Variants in CDH23 observed in about 807,000 individuals in gnomAD.
The protein encoded by CDH23 is cadherin related 23, also known as cadherin-23.
CDH23 carries 189 observed loss-of-function variants against 317.1 expected under a neutral mutation model. The observed-to-expected ratio is 0.60, with a 90% CI of 0.53 to 0.67. The LOEUF (loss-of-function observed/expected upper bound fraction) is 0.67, where lower values mean the gene tolerates loss of function less well. CDH23 is among the 30% of genes least tolerant of loss of function. The pLI, the probability that CDH23 is intolerant of heterozygous loss-of-function variation, is 0.00. For missense variants in CDH23, 4,401 were observed against 4,592.4 expected, an observed-to-expected ratio of 0.96 and a Z score of 1.20; for synonymous variants, 1,839 against 1,876.8, an observed-to-expected ratio of 0.98 and a Z score of 0.52.
chr10:71,657,942 C>T (rs1270318131), intron 14 of CDH23, among the ~76,000 whole-genome samples: 1 of 152,198 alleles, frequency 6.6e-6, no homozygotes, highest in Non-Finnish European at 1.5e-5. Flanking sequence ...CACAGACACA[C>T]AGAAAATAGT....
At chr10:71,702,725 C>T in intron 24 of CDH23, 31 bp downstream of exon 24, 2 of 1,612,822 alleles carry the variant, frequency 1.2e-6, no homozygotes, top group Non-Finnish European at 1.7e-6. Flanking sequence ...TCCTACCAGC[C>T]CAGAGGTGGG....
chr10:71,682,508 T>C lies in CDH23; in HGVS notation c.1922T>C (p.Val641Ala). ...TCCAATGGGCTGATTTATCTGACGG[T>C]CATGGCCATGGATGCTGGCAACCCC... ...QISNGLIYLT[V>A]MAMDAGNPPL... The change falls in exon 18 of 70, where the codon GTC becomes GCC. Residue 641 changes from valine to alanine, a missense_variant. By Grantham distance (64) the Val-to-Ala change is moderately conservative. Coordinates refer to ENST00000224721, the MANE Select transcript of CDH23 (RefSeq NM_022124.6). The C allele has an allele frequency of 6.2e-7, 1 of 1,613,470 alleles. No homozygotes were observed. Among genetic ancestry groups the C allele is most frequent in the Non-Finnish European group, 8.5e-7 (1 of 1,179,682 alleles).
chr10:71,760,610 C>T (rs888246949), intron 38 of CDH23: 5 of 456,882 alleles, frequency 1.1e-5, no homozygotes, highest in Non-Finnish European at 2.0e-5. Flanking sequence ...CTTGCCCTGG[C>T]CAAAGGTCAC....
chr10:71,778,149 A>AC (rs1300126044), intron 39 of CDH23, 40 bp from the exon 40 acceptor site: 5 of 1,611,564 alleles, frequency 3.1e-6, no homozygotes, highest in Non-Finnish European at 3.4e-6. Context: ...CAGACCTACC[A>AC]CCCCTAGATC....
chr10:71,786,433 G>A (rs1468510466), intron 44 of CDH23, among the ~76,000 whole-genome samples: 1 of 151,796 alleles, frequency 6.6e-6, no homozygotes, highest in African/African-American at 2.4e-5. Flanking sequence ...ACGTCAGGCT[G>A]GAGAAACTCA....
intron 1 of CDH23, among the ~76,000 whole-genome samples, chr10:71,437,580 C>T (rs1849675194): frequency 6.6e-6 from 1 of 152,216 alleles, no homozygotes; most frequent in Non-Finnish European, 1.5e-5. Flanking sequence ...CGGCTCTGTA[C>T]ATGTGTGTAA....
chr10:71,496,361 G>A (rs1852967589), intron 3 of CDH23, among the ~76,000 whole-genome samples: 3 of 151,570 alleles, frequency 2.0e-5, no homozygotes, highest in African/African-American at 7.3e-5. Context: ...CTCCACCTGT[G>A]GATTGGCCTA....
chr10:71,732,863 C>A, intron 32 of CDH23: 1 of 275,748 alleles, frequency 3.6e-6, no homozygotes, highest in Non-Finnish European at 5.9e-6. Context: ...GCTGGGAATC[C>A]TATAGTTTGA....
chr10:71,544,224 C>A (rs367853604), intron 6 of CDH23, among the ~76,000 whole-genome samples: 1 of 152,010 alleles, frequency 6.6e-6, no homozygotes, highest in Non-Finnish European at 1.5e-5. Context: ...GAGAGGTGGA[C>A]GGGAGTAGCG....
chr10:71,793,744 T>C (rs1841330389), intron 48 of CDH23, 104 bp downstream of exon 48: 1 of 863,180 alleles, frequency 1.2e-6, no homozygotes, highest in African/African-American at 1.7e-5. Flanking sequence ...TGCTGTTCCC[T>C]TGCTACTCTC....
chr10:71,440,161 G>A (rs1366777929), intron 2 of CDH23, among the ~76,000 whole-genome samples: 1 of 152,208 alleles, frequency 6.6e-6, no homozygotes, highest in East Asian at 1.9e-4. Flanking sequence ...AGCTCTAAGG[G>A]AAGGAGGCAC....
chr10:71,800,133 T>A (rs1034118765), intron 52 of CDH23, among the ~76,000 whole-genome samples: 4 of 152,218 alleles, frequency 2.6e-5, no homozygotes, highest in African/African-American at 4.8e-5. Context: ...TGGGTGATGA[T>A]TTCAAATGTC....
At position 71,646,553 on chromosome 10, in the gene CDH23, A is replaced by T. The variant is rs2132597178; in HGVS notation, c.1385A>T (p.Gln462Leu). 6.2e-7 allele frequency: 1 copy of T among 1,614,024 alleles called. No individual in the cohort carries two copies. The highest frequency in any genetic ancestry group is 8.5e-7 in the Non-Finnish European group (1 of 1,179,898). The change falls in exon 14 of 70, where the codon CAG (glutamine) becomes CTG (leucine). Residue 462 changes from glutamine to leucine, a missense_variant. By Grantham distance (113) the Gln-to-Leu change is moderately radical. Coordinates refer to ENST00000224721, the MANE Select transcript of CDH23 (RefSeq NM_022124.6). The part of the protein sequence containing the change: ...NENDNRPIFS[Q>L]PLYNISLYEN... ...AATGACAACCGGCCCATCTTCAGCC[A>T]GCCACTGTACAACATCAGCCTGTAC...
chr10:71,671,731 G>A (rs75560329), intron 14 of CDH23, among the ~76,000 whole-genome samples: 24,694 of 152,104 alleles, frequency 0.16, 2,467 homozygotes, highest in Non-Finnish European at 0.23. Context: ...AGCATCTGGG[G>A]GGCTGCTCTG....
intron 6 of CDH23, among the ~76,000 whole-genome samples, chr10:71,537,948 T>C (rs10823778): frequency 0.73 from 110,853 of 152,158 alleles, 41,077 homozygotes; most frequent in East Asian, 0.89. Context: ...AAGCCTATGG[T>C]TCTCCCACTC....
intron 16 of CDH23, among the ~76,000 whole-genome samples, chr10:71,678,854 T>C (rs1040249943): frequency 1.4e-4 from 21 of 152,342 alleles, no homozygotes; most frequent in African/African-American, 4.8e-4. Flanking sequence ...AAATACTGTG[T>C]TGGCCTGTAG....
At chr10:71,810,920 A>C (rs1368271405) in intron 62 of CDH23, among the ~76,000 whole-genome samples, 1 of 152,056 alleles carries the variant, frequency 6.6e-6, no homozygotes, top group African/African-American at 2.4e-5. Context: ...GTCTCTACTA[A>C]AAATACAAAT....
chr10:71,701,051 A>T (rs1396846702), intron 22 of CDH23, among the ~76,000 whole-genome samples: 1 of 151,962 alleles, frequency 6.6e-6, no homozygotes, highest in Non-Finnish European at 1.5e-5. Context: ...CTCTCCCCCC[A>T]CCACCACTGA....
chr10:71,469,059 A>G (rs142017837), intron 3 of CDH23, among the ~76,000 whole-genome samples: 8 of 152,222 alleles, frequency 5.3e-5, no homozygotes, highest in Admixed American at 1.3e-4. Context: ...ACCCTCCTGG[A>G]CCCTGTATCT....
Sources: allele counts gnomAD v4.1 joint callset (sites outside exome capture counted in the v4.1 genomes callset), GRCh38; gene constraint gnomAD v4.1.1; transcripts MANE v1.5; gene names NCBI Gene and HGNC (gene_info 2026-07-23, HGNC 2026-07-21).